Variants in EML6 observed in about 807,000 individuals in gnomAD.
EML6 encodes the protein echinoderm microtubule-associated protein-like 6.
In EML6, 154 loss-of-function variants were observed where a neutral mutation model predicts 240.1. The ratio of observed to expected loss-of-function variants is 0.64; its 90% CI spans 0.56 to 0.73. The LOEUF is 0.73. Among genes scored for constraint, EML6 ranks in the 30% least tolerant of loss-of-function variants. EML6 has a pLI of 0.00. For synonymous variants in EML6, 1,148 were observed against 899.0 expected, an observed-to-expected ratio of 1.28 and a Z score of -4.95; for missense variants, 2,964 against 2,474.6, an observed-to-expected ratio of 1.20 and a Z score of -4.20.
intron 32 of EML6, 94 bp downstream of exon 32, chr2:54,954,250 C>T: frequency 1.8e-6 from 2 of 1,126,200 alleles, no homozygotes; most frequent in South Asian, 1.6e-5. Flanking sequence ...ACTCCGAAGC[C>T]TGCCGTAGGC....
Position 54,724,800 on chromosome 2 carries a change from G to T in EML6, c.-262G>T, listed in dbSNP as rs1682827334. ...GTGAGGCGCGCGCGCCGGTGCCGGC[G>T]CCCCCAGAGCCGCCTTGCCCGGGTA... On this transcript the variant is annotated 5_prime_UTR_variant, in exon 2 of 42. Transcript: ENST00000356458. This position sits in a 1 kb window ranked among gnomAD's most constrained non-coding sequence, Gnocchi z 5.2. The T allele has an allele frequency of 6.4e-6, 1 of 156,594 alleles. No individual in the cohort carries two copies. The highest frequency in any genetic ancestry group is 1.4e-5 in the Non-Finnish European group (1 of 71,418). The allele number at this position is 156,594 out of a possible 1,614,324, so 9.7% of individuals were successfully genotyped here.
intron 17 of EML6, chr2:54,882,400 AGAATAAT>A (rs957920216): frequency 2.6e-5 from 4 of 151,984 alleles, no homozygotes; most frequent in African/African-American, 9.7e-5. Flanking sequence ...CAATCAGGGC[AGAATAAT>A]GCAATGATTA....
rs1361060078 is a variant in EML6, at chr2:54,954,120, C to G, written c.4450C>G (p.Pro1484Ala). The G allele has an allele frequency of 1.9e-6, 3 of 1,551,402 alleles. No homozygotes were observed. The highest frequency in any genetic ancestry group is 1.7e-6 in the Non-Finnish European group (2 of 1,146,892). ...GCTCCTGGTGTCGGTGGGAGTGGAC[C>G]CTGAGCACACCATCACTGTCTGGCG... Reference protein sequence around the residue: ...GKLLVSVGVDPEHTITVWRWQ... With the variant: ...GKLLVSVGVDAEHTITVWRWQ... The change falls in exon 32 of 42, where the codon CCT becomes GCT. Residue 1484 changes from proline to alanine, a missense_variant. By Grantham distance (27) the Pro-to-Ala change is conservative (BLOSUM62 -1). Transcript: ENST00000356458.
chr2:54,844,117 T>A lies in EML6; in HGVS notation c.918T>A (p.Phe306Leu), dbSNP rs1434929892. Residue 306 changes from phenylalanine to leucine, a missense_variant, in exon 8 of 42, where the codon TTT (phenylalanine) becomes TTA (leucine). Phe to Leu is a conservative substitution (Grantham distance 22). Transcript: ENST00000356458. The stretch of plus-strand genomic sequence containing the variant: ...CAGGGACCCAGGACAGTGAGATATT[T>A]GAAGTGATTGTGCGAGAGCGAGACA... ...LLAGTQDSEI[F>L]EVIVRERDKP... 2.6e-6 allele frequency: 4 copies of A among 1,551,466 alleles called. No homozygotes were observed. In the Admixed American group the frequency reaches 7.8e-5, roughly 30 times the overall value.
intron 2 of EML6, among the ~76,000 whole-genome samples, chr2:54,787,297 G>C (rs1407389153): frequency 1.4e-3 from 19 of 13,838 alleles, no homozygotes; most frequent in South Asian, 0.01. Flanking sequence ...GTGAGGGTTG[G>C]GGGGGGGTCT....
Position 54,959,158 on chromosome 2 carries a change from C to T in EML6, c.4750C>T (p.His1584Tyr). 6.4e-7 allele frequency: 1 copy of T among 1,551,618 alleles called. No homozygotes were observed. Among genetic ancestry groups the T allele is most frequent in the Non-Finnish European group, 8.7e-7 (1 of 1,146,954 alleles). The change falls in exon 34 of 42, where the codon CAC becomes TAC. Residue 1584 changes from histidine to tyrosine, a missense_variant. His to Tyr is a moderately conservative substitution (Grantham distance 83). Transcript: ENST00000356458. ...INGDVYVWKDHFLIRLVAKAH... is the reference protein window; with the variant it reads ...INGDVYVWKDYFLIRLVAKAH... Reference sequence around the variant, plus strand: ...TGGAGATGTCTACGTCTGGAAGGACCACTTCCTCATCCGGCTGGTGGCCAA... The same window carrying T: ...TGGAGATGTCTACGTCTGGAAGGACTACTTCCTCATCCGGCTGGTGGCCAA...
At chr2:54,784,895 A>G (rs908136162) in intron 2 of EML6, among the ~76,000 whole-genome samples, 6 of 152,340 alleles carry the variant, frequency 3.9e-5, no homozygotes, top group African/African-American at 9.6e-5. Flanking sequence ...TGTCAATACC[A>G]TAAGAGTACA....
intron 28 of EML6, among the ~76,000 whole-genome samples, chr2:54,944,137 T>C (rs1412628371): frequency 6.6e-6 from 1 of 152,142 alleles, no homozygotes; most frequent in African/African-American, 2.4e-5. Context: ...ATTAATCTTT[T>C]ATATCCCACC....
chr2:54,943,196 C>G (rs977495563), intron 28 of EML6, among the ~76,000 whole-genome samples: 3 of 152,202 alleles, frequency 2.0e-5, no homozygotes, highest in Non-Finnish European at 4.4e-5. Context: ...GCTTCTTTCT[C>G]TCTCCTCCAT....
At chr2:54,927,671 G>T (rs897177461) in intron 26 of EML6, among the ~76,000 whole-genome samples, 3 of 152,186 alleles carry the variant, frequency 2.0e-5, no homozygotes, top group Admixed American at 6.5e-5. Context: ...GATAAAGGTG[G>T]GGTGGCCTGG....
rs556326390 is a variant in EML6, at chr2:54,769,864, T to C, written c.198-43368T>C. Among the ~76,000 whole-genome samples, 7 of 152,328 alleles carry C rather than the reference T, an allele frequency of 4.6e-5. No individual in the cohort carries two copies. The South Asian group carries it at 6.2e-4, about 14-fold the overall frequency. On this transcript the variant is annotated intron_variant, in intron 2 of 41. Coordinates refer to ENST00000356458, the MANE Select transcript of EML6 (RefSeq NM_001039753.4). ...TCTTGCATAACTGAAACTTAAACTTTGTACCCTTTGACCAATTCCTCCCAG... is the reference window on the plus strand; with the variant it reads ...TCTTGCATAACTGAAACTTAAACTTCGTACCCTTTGACCAATTCCTCCCAG...
chr2:54,853,771 G>A lies in EML6; in HGVS notation c.1573G>A (p.Asp525Asn). The change falls in exon 11 of 42, where the codon GAT becomes AAT. Residue 525 changes from aspartate to asparagine, a missense_variant. Asp to Asn is a conservative substitution (Grantham distance 23). Coordinates refer to ENST00000356458, the MANE Select transcript of EML6 (RefSeq NM_001039753.4). Reference sequence around the variant, plus strand: ...TGAGGTTACTGACATCAACTCAGTGGATGCGAATTACAACAGCTCAGTGCT... The same window carrying A: ...TGAGGTTACTGACATCAACTCAGTGAATGCGAATTACAACAGCTCAGTGCT... ...YTEVTDINSV[D>N]ANYNSSVLVS... 6.4e-7 allele frequency: 1 copy of A among 1,551,578 alleles called. No homozygotes were observed. Among genetic ancestry groups the A allele is most frequent in the East Asian group, 2.4e-5 (1 of 40,918 alleles).
intron 17 of EML6, among the ~76,000 whole-genome samples, chr2:54,884,685 A>G (rs1263053382): frequency 6.6e-6 from 1 of 152,258 alleles, no homozygotes; most frequent in Non-Finnish European, 1.5e-5. Flanking sequence ...AATGGCACTA[A>G]GAAATCAGAT....
chr2:54,910,213 C>A (rs1310932337), intron 24 of EML6, among the ~76,000 whole-genome samples: 2 of 152,084 alleles, frequency 1.3e-5, no homozygotes, highest in African/African-American at 4.8e-5. Context: ...TTGAAACTTT[C>A]CATAATATTT....
At position 54,730,984 on chromosome 2, in the gene EML6, A is replaced by C. The variant is rs999537999; in HGVS notation, c.197+5726A>C. On this transcript the variant is annotated intron_variant, in intron 2 of 41. Coordinates refer to ENST00000356458, the MANE Select transcript of EML6 (RefSeq NM_001039753.4). ...ATTGTGATAAGTGCTAAGAAGAAAA[A>C]TAATCACAGAGAAACTGGGTTGAAT... is the stretch of plus-strand genomic sequence containing the variant. Among the ~76,000 whole-genome samples, 8 of 152,220 alleles carry C rather than the reference A, an allele frequency of 5.3e-5. 1 individual carries two copies. Among genetic ancestry groups the C allele is most frequent in the Admixed American group, 4.6e-4 (7 of 15,282 alleles).
At chr2:54,835,337 G>C (rs1669084647) in intron 7 of EML6, among the ~76,000 whole-genome samples, 1 of 152,230 alleles carries the variant, frequency 6.6e-6, no homozygotes, top group African/African-American at 2.4e-5. Flanking sequence ...TGCCTAGTGT[G>C]TGCTGGAGTC....
At chr2:54,765,936 C>G (rs1008440626) in intron 2 of EML6, among the ~76,000 whole-genome samples, 1 of 152,144 alleles carries the variant, frequency 6.6e-6, no homozygotes, top group Non-Finnish European at 1.5e-5. Flanking sequence ...TACCAATATA[C>G]CTTTCACCCA....
intron 5 of EML6, among the ~76,000 whole-genome samples, chr2:54,822,354 T>C (rs918497119): frequency 1.6e-4 from 24 of 152,322 alleles, no homozygotes; most frequent in African/African-American, 5.8e-4. Flanking sequence ...GAAATGTCAA[T>C]TCTCTTTGAT....
intron 12 of EML6, 26 bp from the exon 13 acceptor site, chr2:54,863,754 CTTG>C: frequency 7.9e-7 from 1 of 1,258,796 alleles, no homozygotes. Flanking sequence ...AGAATTTTTG[CTTG>C]TTTCTTGTGG....
Sources: allele counts gnomAD v4.1 joint callset (sites outside exome capture counted in the v4.1 genomes callset), GRCh38; gene constraint gnomAD v4.1.1; non-coding constraint Gnocchi (gnomAD v3.1); transcripts MANE v1.5; gene names NCBI Gene and HGNC (gene_info 2026-07-23, HGNC 2026-07-21).